The following LGALS1 variants were observed in gnomAD, a reference collection of about 807,000 sequenced individuals.
LGALS1 encodes the protein galectin-1.
LGALS1 carries 14 observed loss-of-function variants against 14.4 expected under a neutral mutation model. That is an observed-to-expected ratio of 0.97 (90% CI 0.64 to 1.52). LGALS1 has a LOEUF of 1.52. LGALS1 is among the 40% of genes most tolerant of loss of function. The pLI, the probability that LGALS1 is intolerant of heterozygous loss-of-function variation, is 0.00. For missense variants in LGALS1, 170 were observed against 181.4 expected (o/e 0.94, Z 0.36); for synonymous variants, 71 against 73.4 (o/e 0.97, Z 0.17).
At chr22:37,678,901 G>T (rs1400224046) in intron 3 of LGALS1, among the ~76,000 whole-genome samples, 1 of 152,144 alleles carries the variant, frequency 6.6e-6, no homozygotes, top group African/African-American at 2.4e-5. Context: ...AGGCCGAGGC[G>T]GGCGGATCAC....
intron 2 of LGALS1, 173 bp from the exon 3 acceptor site, chr22:37,678,309 CA>C (rs1024368602): frequency 1.5e-5 from 11 of 743,792 alleles, no homozygotes; most frequent in African/African-American, 1.2e-4. Context: ...GATGAGCAAA[CA>C]GGGGAAGAGG....
chr22:37,678,641 G>A lies in LGALS1; in HGVS notation c.248G>A (p.Gly83Glu), dbSNP rs11539856. The change falls in exon 3 of 4, where the codon GGA becomes GAA. Residue 83 changes from glycine to glutamate, a missense_variant. Physicochemically the swap from Gly to Glu is moderately conservative, Grantham distance 98. Transcript: ENST00000215909. ...GAGGCTGTCTTTCCCTTCCAGCCTG[G>A]AAGTGTTGCAGAGGTGGGCTGCAGA... is the stretch of plus-strand genomic sequence containing the variant. ...QREAVFPFQP[G>E]SVAEVCITFD... 1 of 1,351,654 alleles carries A rather than the reference G, an allele frequency of 7.4e-7. No individual in the cohort carries two copies. Among genetic ancestry groups the A allele is most frequent in the Non-Finnish European group, 9.8e-7 (1 of 1,016,258 alleles). 83.7% of individuals were successfully genotyped at this position (1,351,654 alleles called of 1,614,324 possible).
Position 37,677,010 on chromosome 22 carries a change from C to T in LGALS1, c.34C>T (p.Leu12Phe). 1 of 1,614,112 alleles carries T rather than the reference C, an allele frequency of 6.2e-7. No homozygotes were observed. Among genetic ancestry groups the T allele is most frequent in the Non-Finnish European group, 8.5e-7 (1 of 1,180,008 alleles). ...GGGTCTGGTCGCCAGCAACCTGAAT[C>T]TCAAACCTGGAGAGTGCCTTCGAGT... ...ACGLVASNLN[L>F]KPGECLRVRG... Residue 12 changes from leucine (L) to phenylalanine (F), a missense_variant, in exon 2 of 4, where the codon CTC (leucine) becomes TTC (phenylalanine). Transcript: ENST00000215909.
intron 2 of LGALS1, 147 bp from the exon 3 acceptor site, chr22:37,678,336 C>T (rs62236672): frequency 0.32 from 273,360 of 844,176 alleles, 45,346 homozygotes; most frequent in Non-Finnish European, 0.34. Context: ...GAGCAGGTGG[C>T]ATGGCCAGAG....
At chr22:37,677,215 C>G (rs1012196042) in intron 2 of LGALS1, 150 bp downstream of exon 2, 6 of 756,370 alleles carry the variant, frequency 7.9e-6, no homozygotes, top group African/African-American at 3.5e-5. Context: ...TCACTTCCCC[C>G]GCAGGGTCTG....
At chr22:37,678,074 A>G (rs1921499036) in intron 2 of LGALS1, among the ~76,000 whole-genome samples, 1 of 152,166 alleles carries the variant, frequency 6.6e-6, no homozygotes, top group African/African-American at 2.4e-5. Context: ...GGCATGAGCC[A>G]CCGTGCCCGG....
chr22:37,676,710 C>T, intron 1 of LGALS1: 1 of 493,216 alleles, frequency 2.0e-6, no homozygotes, highest in Non-Finnish European at 3.8e-6. Context: ...GTCCAAAATT[C>T]CCAAGCCAAT....
chr22:37,678,749 C>G (rs955665792), intron 3 of LGALS1, 95 bp downstream of exon 3: 4 of 1,259,078 alleles, frequency 3.2e-6, no homozygotes, highest in African/African-American at 1.5e-5. Context: ...CCTGCCTGCT[C>G]TTTCCCCTCC....
At chr22:37,678,455 G>A in intron 2 of LGALS1, 28 bp from the exon 3 acceptor site, 2 of 1,612,762 alleles carry the variant, frequency 1.2e-6, no homozygotes, top group Non-Finnish European at 1.7e-6. Flanking sequence ...TGGCCGAGGT[G>A]GCCTCATGCC....
At position 37,678,669 on chromosome 22, in the gene LGALS1, G is replaced by C. The variant is rs369450273; in HGVS notation, c.261+15G>C. The stretch of plus-strand genomic sequence containing the variant: ...GTGTTGCAGAGGTGGGCTGCAGACC[G>C]GAACCGGGGACCAGGGACAGGGGCT... On this transcript the variant is annotated intron_variant, in intron 3 of 3. Coordinates refer to ENST00000215909, the MANE Select transcript of LGALS1 (RefSeq NM_002305.4). 23 of 1,206,978 alleles carry C rather than the reference G, an allele frequency of 1.9e-5. No homozygotes were observed. The highest frequency in any genetic ancestry group is 2.6e-5 in the Non-Finnish European group (23 of 886,238). The allele number at this position is 1,206,978 out of a possible 1,614,324, so 74.8% of individuals were successfully genotyped here.
chr22:37,676,510 C>G (rs1034950475), intron 1 of LGALS1, among the ~76,000 whole-genome samples: 2 of 152,080 alleles, frequency 1.3e-5, no homozygotes, highest in African/African-American at 2.4e-5. Flanking sequence ...CCTCTCTAGC[C>G]CCTGGGCCTC....
At chr22:37,676,627 G>C (rs1441339587) in intron 1 of LGALS1, among the ~76,000 whole-genome samples, 1 of 151,918 alleles carries the variant, frequency 6.6e-6, no homozygotes, top group Non-Finnish European at 1.5e-5. Context: ...TGGGCCAAGT[G>C]TCGGCCCCTC....
In LGALS1 at chr22:37,678,596, C is replaced by T. The variant is rs1372505114; in HGVS notation, c.203C>T (p.Ala68Val). ...TIVCNSKDGG[A>V]WGTEQREAVF... ...GTGTGCAACAGCAAGGACGGCGGGGCCTGGGGGACCGAGCAGCGGGAGGCT... is the reference window on the plus strand; with the variant it reads ...GTGTGCAACAGCAAGGACGGCGGGGTCTGGGGGACCGAGCAGCGGGAGGCT... Residue 68 changes from alanine to valine, a missense_variant, in exon 3 of 4, where the codon GCC (alanine) becomes GTC (valine). By Grantham distance (64) the Ala-to-Val change is moderately conservative (BLOSUM62 0). Coordinates refer to ENST00000215909, the MANE Select transcript of LGALS1 (RefSeq NM_002305.4). 2.5e-6 allele frequency: 4 copies of T among 1,582,552 alleles called. No homozygotes were observed. Among genetic ancestry groups the T allele is most frequent in the Non-Finnish European group, 3.4e-6 (4 of 1,160,710 alleles).
At chr22:37,677,911 A>G (rs971924981) in intron 2 of LGALS1, among the ~76,000 whole-genome samples, 1 of 151,832 alleles carries the variant, frequency 6.6e-6, no homozygotes, top group Non-Finnish European at 1.5e-5. Flanking sequence ...CAGCCTCCTG[A>G]GTAGCCGGGA....
chr22:37,677,915 G>A (rs923208218), intron 2 of LGALS1, among the ~76,000 whole-genome samples: 2 of 151,996 alleles, frequency 1.3e-5, no homozygotes, highest in African/African-American at 4.8e-5. Context: ...CTCCTGAGTA[G>A]CCGGGATTAC....
rs1305165125 is a variant in LGALS1 at position 37,677,221 on chromosome 22, G to T, written c.89+156G>T. The T allele has an allele frequency of 7.0e-6, 5 of 714,602 alleles. No homozygotes were observed. The East Asian group carries it at 8.2e-5, about 12-fold the overall frequency. 44.3% of individuals were successfully genotyped at this position (714,602 alleles called of 1,614,324 possible). A position where few individuals can be genotyped will look rare whatever the true frequency, so the allele number is the denominator to read the frequency against. On this transcript the variant is annotated intron_variant, in intron 2 of 3. Coordinates refer to ENST00000215909, the MANE Select transcript of LGALS1 (RefSeq NM_002305.4). ...CTGGGTGACTCACTTCCCCCGCAGGGTCTGGGCGCCCCCACCGTTGCCGCC... is the reference window on the plus strand; with the variant it reads ...CTGGGTGACTCACTTCCCCCGCAGGTTCTGGGCGCCCCCACCGTTGCCGCC...
Position 37,675,717 on chromosome 22 carries a change from T to C in LGALS1, c.9+6T>C, listed in dbSNP as rs1569020483. 1 of 1,537,456 alleles carries C rather than the reference T, an allele frequency of 6.5e-7. No individual in the cohort carries two copies. The highest frequency in any genetic ancestry group is 1.4e-5 in the African/African-American group (1 of 71,386). The stretch of plus-strand genomic sequence containing the variant: ...TGGACTCAATCATGGCTTGTGTGAG[T>C]GTGGGGACCCCCCCCCAAGGTCCAG... On this transcript the variant is annotated splice_donor_region_variant and intron_variant, in intron 1 of 3. Coordinates refer to ENST00000215909, the MANE Select transcript of LGALS1 (RefSeq NM_002305.4).
rs963457992 is a variant in LGALS1, at chr22:37,676,779, C to G, written c.10-207C>G. 1.1e-5 allele frequency: 7 copies of G among 647,504 alleles called. No homozygotes were observed. The Admixed American group carries it at 1.2e-4, about 11-fold the overall frequency. The allele number at this position is 647,504 out of a possible 1,614,324, so 40.1% of individuals were successfully genotyped here. ...CTTCACGTTACAGACTGAAGCCAAC[C>G]CCGGTGGGAATAGGGACTTTCCCAG... On this transcript the variant is annotated intron_variant, in intron 1 of 3. Coordinates refer to ENST00000215909, the MANE Select transcript of LGALS1 (RefSeq NM_002305.4).
chr22:37,676,620 G>A lies in LGALS1; in HGVS notation c.10-366G>A, dbSNP rs535972237. ...GCCCCTCCATTCAGTGTGACGGTGG[G>A]CCAAGTGTCGGCCCCTCCCCAGCCT... On this transcript the variant is annotated intron_variant, in intron 1 of 3. Coordinates refer to ENST00000215909, the MANE Select transcript of LGALS1 (RefSeq NM_002305.4). Among the ~76,000 whole-genome samples, 10 of 152,108 alleles carry A rather than the reference G, an allele frequency of 6.6e-5. 1 individual carries two copies. In the South Asian group the frequency reaches 2.1e-3, roughly 32 times the overall value.
Sources: gnomAD v4.1 joint callset for allele counts (sites outside exome capture counted in the v4.1 genomes callset) on GRCh38, gnomAD v4.1.1 for gene constraint, MANE v1.5 for transcripts, NCBI Gene and HGNC (gene_info 2026-07-23, HGNC 2026-07-21) for gene names.